DGKI: variants seen among roughly 807,000 people sequenced by gnomAD.
DGKI encodes the protein diacylglycerol kinase iota.
In DGKI, 55 loss-of-function variants were observed where a neutral mutation model predicts 147.5. The observed-to-expected ratio is 0.37, with a 90% CI of 0.30 to 0.47. The LOEUF (loss-of-function observed/expected upper bound fraction) is 0.47, where lower values mean the gene tolerates loss of function less well. Among genes scored for constraint, DGKI ranks in the 20% least tolerant of loss-of-function variants. The probability of loss-of-function intolerance (pLI) is 1.00; values close to 1 mark genes in which losing one functional copy is unlikely to be tolerated. For missense variants in DGKI, 1,007 were observed against 1,323.8 expected, an observed-to-expected ratio of 0.76 and a Z score of 3.71; for synonymous variants, 469 against 477.1, an observed-to-expected ratio of 0.98 and a Z score of 0.22.
intron 8 of DGKI, among the ~76,000 whole-genome samples, chr7:137,617,782 T>C (rs186798408): frequency 2.0e-5 from 3 of 152,046 alleles, no homozygotes; most frequent in Admixed American, 6.6e-5. Flanking sequence ...AGAAGAAATT[T>C]TGGAAGGGTG....
At chr7:137,746,995 TG>T (rs1420212832) in intron 1 of DGKI, among the ~76,000 whole-genome samples, 1 of 152,172 alleles carries the variant, frequency 6.6e-6, no homozygotes, top group African/African-American at 2.4e-5. Context: ...GTCAGGACCC[TG>T]GGAATTCCTC....
chr7:137,396,166 G>T (rs1355934597), intron 31 of DGKI, among the ~76,000 whole-genome samples: 1 of 152,238 alleles, frequency 6.6e-6, no homozygotes, highest in Non-Finnish European at 1.5e-5. Flanking sequence ...CTGCAGTGGA[G>T]TATCTCCTGA....
chr7:137,443,732 T>C (rs1813600967), intron 28 of DGKI, among the ~76,000 whole-genome samples: 1 of 152,150 alleles, frequency 6.6e-6, no homozygotes, highest in Non-Finnish European at 1.5e-5. Context: ...ACCACAAAAA[T>C]TTTTATCATT....
chr7:137,451,201 AG>A (rs5887840), intron 27 of DGKI, among the ~76,000 whole-genome samples: 61,450 of 152,018 alleles, frequency 0.4, 13,629 homozygotes, highest in Non-Finnish European at 0.5. Context: ...CAGGTTCCCA[AG>A]GAAGTAAGTT....
intron 1 of DGKI, among the ~76,000 whole-genome samples, chr7:137,748,442 C>T (rs1795408788): frequency 6.6e-6 from 1 of 151,498 alleles, no homozygotes; most frequent in South Asian, 2.1e-4. Context: ...ACATAGTATT[C>T]ATACATATAT....
Position 137,734,398 on chromosome 7 carries a change from T to A in DGKI, c.402-44396A>T, listed in dbSNP as rs182818954. Among the ~76,000 whole-genome samples, 35 of 152,124 alleles carry A rather than the reference T, an allele frequency of 2.3e-4. 1 individual carries two copies. The highest frequency in any genetic ancestry group is 1.4e-3 in the Admixed American group (21 of 15,276). ...AAATAACATTTATTATCTCACAGAT[T>A]TGCGGGTCAGGAATCTAGGAGTGGC... On this transcript the variant is annotated intron_variant, in intron 1 of 32. Coordinates refer to ENST00000614521, the MANE Select transcript of DGKI (RefSeq NM_001321708.2).
chr7:137,703,671 A>G (rs1793899226), intron 1 of DGKI, among the ~76,000 whole-genome samples: 1 of 152,202 alleles, frequency 6.6e-6, no homozygotes, highest in African/African-American at 2.4e-5. Context: ...TACACAACAT[A>G]GAAAATAGAC....
At chr7:137,451,367 G>C (rs1813948996) in intron 27 of DGKI, among the ~76,000 whole-genome samples, 1 of 152,200 alleles carries the variant, frequency 6.6e-6, no homozygotes, top group African/African-American at 2.4e-5. Flanking sequence ...ATATTGGCTA[G>C]TGGCTGCTGC....
intron 15 of DGKI, among the ~76,000 whole-genome samples, chr7:137,578,541 C>T (rs58688605): frequency 0.016 from 2,431 of 152,252 alleles, 42 homozygotes; most frequent in African/African-American, 0.04. Context: ...AGTTCCAAAC[C>T]GGCATCACTG....
chr7:137,466,764 C>A (rs1278561594), intron 25 of DGKI, 138 bp downstream of exon 25: 1 of 824,472 alleles, frequency 1.2e-6, no homozygotes, highest in Non-Finnish European at 2.0e-6. Context: ...ATAAAAGGTT[C>A]AAGCTTAAGT....
At chr7:137,714,457 T>C (rs1270874302) in intron 1 of DGKI, among the ~76,000 whole-genome samples, 1 of 152,172 alleles carries the variant, frequency 6.6e-6, no homozygotes, top group Non-Finnish European at 1.5e-5. Context: ...TTACCCTAAA[T>C]AGAGGACAAT....
intron 1 of DGKI, among the ~76,000 whole-genome samples, chr7:137,837,706 T>C (rs1438183825): frequency 6.6e-6 from 1 of 152,206 alleles, no homozygotes; most frequent in Non-Finnish European, 1.5e-5. Context: ...CCCCAGAACC[T>C]GACCATGTTG....
Position 137,846,153 on chromosome 7 carries a change from TCTCTCTCTCACACACACACA to T in DGKI, c.401+289_401+308del, listed in dbSNP as rs1798712441. On this transcript the variant is annotated intron_variant, in intron 1 of 32. Coordinates refer to ENST00000614521, the MANE Select transcript of DGKI (RefSeq NM_001321708.2). This position sits in a 1 kb window ranked among gnomAD's most constrained non-coding sequence, Gnocchi z 4.0. Reference sequence around the variant, plus strand: ...CTCTCTTTCTCTCTCTCTCTCTCTCTCTCTCTCTCACACACACACACACACACACACACACACACACACAC... The same window carrying T: ...CTCTCTTTCTCTCTCTCTCTCTCTCTCACACACACACACACACACACACAC... Among the ~76,000 whole-genome samples the T allele has an allele frequency of 7.2e-6, 1 of 139,566 alleles. No homozygotes were observed. The highest frequency in any genetic ancestry group is 3.0e-5 in the African/African-American group (1 of 33,762). The allele number at this position is 139,566 out of a possible 152,430, so 91.6% of individuals were successfully genotyped here.
At chr7:137,651,545 A>T (rs1458513622) in intron 5 of DGKI, among the ~76,000 whole-genome samples, 1 of 152,242 alleles carries the variant, frequency 6.6e-6, no homozygotes, top group East Asian at 1.9e-4. Flanking sequence ...GATGACTGTG[A>T]TACATTCAAA....
intron 5 of DGKI, among the ~76,000 whole-genome samples, chr7:137,654,290 G>A (rs546817711): frequency 1.4e-4 from 22 of 152,158 alleles, no homozygotes; most frequent in Non-Finnish European, 2.6e-4. Context: ...AAAGCAGACC[G>A]TCTGACTCCA....
intron 1 of DGKI, among the ~76,000 whole-genome samples, chr7:137,808,713 T>C (rs1336861754): frequency 1.3e-5 from 2 of 152,062 alleles, no homozygotes; most frequent in South Asian, 2.1e-4. Flanking sequence ...AACATTTAAA[T>C]GAAATATTAA....
chr7:137,515,144 C>A (rs986346533), intron 21 of DGKI, among the ~76,000 whole-genome samples: 1 of 152,168 alleles, frequency 6.6e-6, no homozygotes, highest in African/African-American at 2.4e-5. Context: ...TTCTAGAAAT[C>A]CACATATACA....
At chr7:137,719,776 T>A (rs932531438) in intron 1 of DGKI, among the ~76,000 whole-genome samples, 1 of 152,188 alleles carries the variant, frequency 6.6e-6, no homozygotes, top group Non-Finnish European at 1.5e-5. Flanking sequence ...CCTTTTTTTT[T>A]AAGGTTTTCT....
intron 1 of DGKI, among the ~76,000 whole-genome samples, chr7:137,810,241 G>A (rs1407484924): frequency 6.6e-6 from 1 of 152,118 alleles, no homozygotes; most frequent in East Asian, 1.9e-4. Flanking sequence ...CTTCTATAAT[G>A]CTAATGCTAA....
Sources: gnomAD v4.1 joint callset for allele counts (sites outside exome capture counted in the v4.1 genomes callset) on GRCh38, gnomAD v4.1.1 for gene constraint, Gnocchi (gnomAD v3.1) non-coding constraint, MANE v1.5 for transcripts, NCBI Gene and HGNC (gene_info 2026-07-23, HGNC 2026-07-21) for gene names.